UBXN6: variants seen among roughly 807,000 people sequenced by gnomAD.
UBXN6 encodes UBX domain-containing protein 6.
A neutral mutation model predicts 51.4 loss-of-function variants in UBXN6; 44 were observed. The observed-to-expected ratio is 0.86, with a 90% CI of 0.67 to 1.10. The LOEUF is 1.10. UBXN6 is among the 50% of genes least tolerant of loss of function. The pLI, the probability that UBXN6 is intolerant of heterozygous loss-of-function variation, is 0.00. For synonymous variants in UBXN6, 316 were observed against 263.2 expected (o/e 1.20, Z -1.94); for missense variants, 672 against 596.1 (o/e 1.13, Z -1.32).
intron 5 of UBXN6, 91 bp downstream of exon 5, chr19:4,448,225 TAA>T: frequency 8.6e-7 from 1 of 1,165,238 alleles, no homozygotes; most frequent in South Asian, 1.4e-5. Flanking sequence ...CCTCAGCAGG[TAA>T]TGAGGGGGCC....
intron 3 of UBXN6, among the ~76,000 whole-genome samples, chr19:4,453,023 C>T (rs1353250461): frequency 6.6e-6 from 1 of 152,224 alleles, no homozygotes; most frequent in Non-Finnish European, 1.5e-5. Context: ...CTCCACAGAG[C>T]CTCTTGACCT....
Position 4,446,885 on chromosome 19 carries a change from A to G in UBXN6, c.651T>C (p.Phe217=), listed in dbSNP as rs766893069. Residue 217 remains phenylalanine (F), a synonymous_variant, in exon 7 of 11, where the codon TTT becomes TTC. Coordinates refer to ENST00000301281, the MANE Select transcript of UBXN6 (RefSeq NM_025241.3). ...RINCLEGTHE[F]FEAIGFQKVL... is the part of the protein sequence containing the mutation. ...CCTTCTGGAACCCAATGGCCTCAAAAAACTCGTGGGTCCCTTCCAGGCAGT... is the reference window on the plus strand; with the variant it reads ...CCTTCTGGAACCCAATGGCCTCAAAGAACTCGTGGGTCCCTTCCAGGCAGT... 2 of 1,613,854 alleles carry G rather than the reference A, an allele frequency of 1.2e-6. No homozygotes were observed. Among genetic ancestry groups the G allele is most frequent in the East Asian group, 4.5e-5 (2 of 44,884 alleles).
chr19:4,453,199 C>T (rs914264271), intron 3 of UBXN6, among the ~76,000 whole-genome samples: 1 of 152,180 alleles, frequency 6.6e-6, no homozygotes, highest in Non-Finnish European at 1.5e-5. Flanking sequence ...CTGCATCTGC[C>T]CTTAAGGGGT....
At chr19:4,447,389 T>C in intron 6 of UBXN6, 161 bp downstream of exon 6, 1 of 712,800 alleles carries the variant, frequency 1.4e-6, no homozygotes, top group Non-Finnish European at 2.4e-6. Flanking sequence ...CTCTCCATCT[T>C]GTCCTGCTAC....
At chr19:4,445,743 G>A (rs1417272230) in intron 10 of UBXN6, 120 bp from the exon 11 acceptor site, 13 of 1,492,000 alleles carry the variant, frequency 8.7e-6, no homozygotes, top group Non-Finnish European at 1.2e-5. Flanking sequence ...AGCTGGTGGA[G>A]GCTGTGGCTC....
chr19:4,452,056 C>A (rs1001372856), intron 4 of UBXN6, among the ~76,000 whole-genome samples: 1 of 149,564 alleles, frequency 6.7e-6, no homozygotes, highest in Non-Finnish European at 1.5e-5. Flanking sequence ...GGCTGAGGCA[C>A]GAGAATCGTT....
intron 4 of UBXN6, chr19:4,450,433 A>G (rs1974631323): frequency 6.6e-6 from 1 of 152,084 alleles, no homozygotes; most frequent in Non-Finnish European, 1.5e-5. Flanking sequence ...TGTGCAACTC[A>G]TATCATAGGC....
At chr19:4,447,935 A>C in intron 5 of UBXN6, 1 of 494,672 alleles carries the variant, frequency 2.0e-6, no homozygotes, top group South Asian at 2.2e-5. Context: ...GCCAGAGCTG[A>C]AGGGCCGCAG....
chr19:4,455,221 G>A (rs1018276549), intron 1 of UBXN6: 8 of 985,330 alleles, frequency 8.1e-6, no homozygotes, highest in Admixed American at 6.2e-5. Context: ...ATGAACTTAC[G>A]GGCTGTGTCA....
In UBXN6 at chr19:4,448,361, T is replaced by G. The variant is rs1169903793; in HGVS notation, c.496A>C (p.Lys166Gln). ...CCCAGCTTCACCCGGTCCTGGTCTT[T>G]GTTGAACGTGTAGATCTTCATGATG... ...ASIMKIYTFNKDQDRVKLGVD... is the reference protein window; with the variant it reads ...ASIMKIYTFNQDQDRVKLGVD... The change falls in exon 5 of 11, where the codon AAA (lysine) becomes CAA (glutamine). Residue 166 changes from lysine (K) to glutamine (Q), a missense_variant. By Grantham distance (53) the Lys-to-Gln change is moderately conservative. Coordinates refer to ENST00000301281, the MANE Select transcript of UBXN6 (RefSeq NM_025241.3). 1 of 1,610,788 alleles carries G rather than the reference T, an allele frequency of 6.2e-7. No homozygotes were observed. The highest frequency in any genetic ancestry group is 1.1e-5 in the South Asian group (1 of 90,432).
rs73541319 is a variant in UBXN6 at position 4,448,228 on chromosome 19, T to C, written c.539+90A>G. The C allele has an allele frequency of 1.5e-3, 1,841 of 1,192,666 alleles. 20 individuals carry two copies. In the African/African-American group the frequency reaches 0.025, roughly 16 times the overall value. 73.9% of individuals were successfully genotyped at this position (1,192,666 alleles called of 1,614,324 possible). Reference sequence around the variant, plus strand: ...CTTCCCAACCCACCTCAGCAGGTAATGAGGGGGCCAGAGGGGGTGACAGCC... The same window carrying C: ...CTTCCCAACCCACCTCAGCAGGTAACGAGGGGGCCAGAGGGGGTGACAGCC... On this transcript the variant is annotated intron_variant, in intron 5 of 10. Coordinates refer to ENST00000301281, the MANE Select transcript of UBXN6 (RefSeq NM_025241.3).
chr19:4,450,299 G>C (rs1974629291), intron 4 of UBXN6: 1 of 149,546 alleles, frequency 6.7e-6, no homozygotes, highest in South Asian at 2.1e-4. Flanking sequence ...GCATTTCTAA[G>C]AATGACCCCA....
Position 4,457,785 on chromosome 19 carries a change from G to A in UBXN6, c.-88C>T, listed in dbSNP as rs1472507677. Reference sequence around the variant, plus strand: ...ACGGGGCCGCCGGAGACCAGCCACCGGAAGAAAATTAAAAAAAAAAAAAAA... The same window carrying A: ...ACGGGGCCGCCGGAGACCAGCCACCAGAAGAAAATTAAAAAAAAAAAAAAA... On this transcript the variant is annotated 5_prime_UTR_variant, in exon 1 of 11. Transcript: ENST00000301281. The A allele has an allele frequency of 8.7e-6, 3 of 345,112 alleles. No individual in the cohort carries two copies. The highest frequency in any genetic ancestry group is 1.3e-5 in the Non-Finnish European group (3 of 239,774). The allele number at this position is 345,112 out of a possible 1,614,324, so 21.4% of individuals were successfully genotyped here. A position where few individuals can be genotyped will look rare whatever the true frequency, so the allele number is the denominator to read the frequency against.
chr19:4,448,162 G>A, intron 5 of UBXN6, 156 bp downstream of exon 5: 1 of 662,642 alleles, frequency 1.5e-6, no homozygotes, highest in Admixed American at 2.6e-5. Context: ...CCCTTTGCCT[G>A]AGGCCTCTGG....
chr19:4,449,812 CTG>C (rs1392858356), intron 4 of UBXN6: 4 of 152,052 alleles, frequency 2.6e-5, no homozygotes, highest in Non-Finnish European at 5.9e-5. Context: ...GAGAAGAAAG[CTG>C]AGCCAAGATC....
exon 1 of UBXN6, chr19:4,457,789 GAAAATTAAA>G (rs1361755144): frequency 5.9e-5 from 3 of 50,704 alleles, no homozygotes; most frequent in African/African-American, 9.0e-4. Context: ...GCCACCGGAA[GAAAATTAAA>G]AAAAAAAAAA....
chr19:4,449,229 A>G (rs1402736201), intron 4 of UBXN6: 1 of 152,438 alleles, frequency 6.6e-6, no homozygotes, highest in Non-Finnish European at 1.5e-5. Flanking sequence ...CAGGGCTGCC[A>G]CCCGCACCTC....
intron 3 of UBXN6, among the ~76,000 whole-genome samples, chr19:4,452,715 C>T (rs1568192588): frequency 1.3e-5 from 2 of 152,150 alleles, no homozygotes; most frequent in Non-Finnish European, 2.9e-5. Context: ...CAGAACTAAA[C>T]GAGGTAAGGA....
chr19:4,453,461 G>T lies in UBXN6; in HGVS notation c.309C>A (p.Asn103Lys), dbSNP rs749155322. Residue 103 changes from asparagine (N) to lysine (K), a missense_variant, in exon 3 of 11, where the codon AAC (asparagine) becomes AAA (lysine). By Grantham distance (94) the Asn-to-Lys change is moderately conservative. Coordinates refer to ENST00000301281, the MANE Select transcript of UBXN6 (RefSeq NM_025241.3). The part of the protein sequence containing the change: ...VSGSPEAPGT[N>K]VVSEPREEGS... ...TGCCACCAGTGGCTGTTCTTACCAC[G>T]TTGGTCCCTGGGGCCTCGGGGCTCC... is the stretch of plus-strand genomic sequence containing the variant. 6.2e-7 allele frequency: 1 copy of T among 1,613,274 alleles called. No individual in the cohort carries two copies. Among genetic ancestry groups the T allele is most frequent in the Admixed American group, 1.7e-5 (1 of 59,944 alleles).
Sources: allele counts gnomAD v4.1 joint callset (sites outside exome capture counted in the v4.1 genomes callset), GRCh38; gene constraint gnomAD v4.1.1; transcripts MANE v1.5; gene names NCBI Gene and HGNC (gene_info 2026-07-23, HGNC 2026-07-21).